WNK3: variants seen among roughly 807,000 people sequenced by gnomAD.
WNK3 encodes serine/threonine-protein kinase WNK3.
A neutral mutation model predicts 116.7 loss-of-function variants in WNK3; 18 were observed. The ratio of observed to expected loss-of-function variants is 0.15; its 90% CI spans 0.11 to 0.23. WNK3 has a LOEUF of 0.23. WNK3 is among the 10% of genes least tolerant of loss of function. The pLI is 1.00. For synonymous variants in WNK3, 404 were observed against 469.4 expected (o/e 0.86, Z 1.80); for missense variants, 993 against 1,323.8 (o/e 0.75, Z 3.88).
At chrX:54,349,339 AAAAC>A (rs371205980) in intron 1 of WNK3, among the ~76,000 whole-genome samples, 16 of 112,049 alleles carry the variant, frequency 1.4e-4, no homozygotes, top group South Asian at 3.7e-4. Flanking sequence ...CTCCATCTCA[AAAAC>A]AAACAAACAA....
In WNK3 at chrX:54,326,333, G is replaced by A. The variant is rs782231383; in HGVS notation, c.537+6804C>T. On this transcript the variant is annotated intron_variant, in intron 2 of 23. Coordinates refer to ENST00000354646, the Ensembl canonical transcript of WNK3. ...TCTCAATCTCCTGACCTCGTGATCC[G>A]CCTGCCTCGGCCTTCCAAAGTGCTG... 2.8e-3 allele frequency among the ~76,000 whole-genome samples: 306 copies of A among 111,136 alleles called. 1 individual carries two copies. The highest frequency in any genetic ancestry group is 9.2e-3 in the African/African-American group (282 of 30,697).
rs1010162529 is a variant in WNK3 at position 54,222,407 on chromosome X, T to A, written c.4870+6307A>T. On this transcript the variant is annotated intron_variant, in intron 22 of 23. Transcript: ENST00000354646. The stretch of plus-strand genomic sequence containing the variant: ...ATTTAAAAAAAAATTTTTTTTTTTT[T>A]AATTAGCTGAGCATGGTAGCATGCG... Among the ~76,000 whole-genome samples, 42 of 107,264 alleles carry A rather than the reference T, an allele frequency of 3.9e-4. 1 individual carries two copies. The highest frequency in any genetic ancestry group is 6.2e-4 in the Non-Finnish European group (32 of 51,916). 93.1% of individuals were successfully genotyped at this position (107,264 alleles called of 115,157 possible).
intron 22 of WNK3, among the ~76,000 whole-genome samples, chrX:54,216,243 C>A (rs1337751206): frequency 1.9e-5 from 2 of 107,380 alleles, no homozygotes; most frequent in Non-Finnish European, 3.9e-5. Flanking sequence ...TATGACCCTG[C>A]CAAATCCCCC....
intron 17 of WNK3, among the ~76,000 whole-genome samples, chrX:54,245,142 A>ATG (rs1212022699): frequency 7.8e-5 from 7 of 89,461 alleles, no homozygotes; most frequent in African/African-American, 3.5e-4. Flanking sequence ...GTACATATAT[A>ATG]TGCGTGTGTG....
intron 22 of WNK3, among the ~76,000 whole-genome samples, chrX:54,227,365 T>C (rs782776647): frequency 2.7e-5 from 3 of 112,153 alleles, no homozygotes; most frequent in Non-Finnish European, 5.6e-5. Context: ...TATTTATCAG[T>C]CATTCATATA....
chrX:54,307,151 C>T (rs1045677323), intron 5 of WNK3, among the ~76,000 whole-genome samples: 7 of 104,983 alleles, frequency 6.7e-5, no homozygotes, highest in Admixed American at 1.1e-4. Context: ...TGCTTGAACC[C>T]GGGAGGTGGA....
intron 2 of WNK3, among the ~76,000 whole-genome samples, chrX:54,331,289 A>C (rs1378099297): frequency 9.4e-6 from 1 of 106,074 alleles, no homozygotes; most frequent in Admixed American, 1.0e-4. Flanking sequence ...AAATAAATAA[A>C]TAAATATACA....
intron 5 of WNK3, among the ~76,000 whole-genome samples, chrX:54,307,546 G>C (rs2068840024): frequency 9.0e-6 from 1 of 111,602 alleles, no homozygotes; most frequent in African/African-American, 3.3e-5. Context: ...CCCAAATACT[G>C]TATCTATTGA....
At chrX:54,249,930 A>G in intron 16 of WNK3, 64 bp downstream of exon 16, 1 of 1,104,894 alleles carries the variant, frequency 9.1e-7, no homozygotes, top group Non-Finnish European at 1.2e-6. Flanking sequence ...AGTTAAAGAT[A>G]TCATATGTAT....
At chrX:54,347,355 ATG>A (rs2069446115) in intron 1 of WNK3, among the ~76,000 whole-genome samples, 3 of 111,537 alleles carry the variant, frequency 2.7e-5, no homozygotes, top group Non-Finnish European at 5.7e-5. Context: ...GCGTGGTGGC[ATG>A]TGCCTATGAT....
chrX:54,251,645 C>T (rs376341338), exon 14 of WNK3: 7 of 1,211,159 alleles, frequency 5.8e-6, no homozygotes, highest in Non-Finnish European at 7.8e-6. Context: ...AATTCTTCTA[C>T]AAATTTTTCT....
chrX:54,203,953 T>G (rs1557142197), intron 22 of WNK3, among the ~76,000 whole-genome samples: 1 of 109,769 alleles, frequency 9.1e-6, no homozygotes, highest in Non-Finnish European at 1.9e-5. Context: ...TCTCAAAGAA[T>G]AATAATAATA....
At chrX:54,297,049 C>T (rs918781132) in intron 7 of WNK3, among the ~76,000 whole-genome samples, 54 of 110,814 alleles carry the variant, frequency 4.9e-4, no homozygotes, top group African/African-American at 1.7e-3. Context: ...TAGAACCTTA[C>T]CCTCTGACTT....
chrX:54,222,558 C>CA (rs1314437813), intron 22 of WNK3, among the ~76,000 whole-genome samples: 1 of 102,999 alleles, frequency 9.7e-6, no homozygotes, highest in Non-Finnish European at 2.0e-5. Context: ...GACCCTGTCT[C>CA]AAAAAAAAGA....
chrX:54,299,371 C>A (rs113461273), intron 6 of WNK3, among the ~76,000 whole-genome samples: 1,355 of 108,364 alleles, frequency 0.013, 20 homozygotes, highest in African/African-American at 0.044. Flanking sequence ...TCATTCCATA[C>A]AAAGTTGATT....
chrX:54,355,586 G>A (rs1433564843), intron 1 of WNK3, among the ~76,000 whole-genome samples: 1 of 109,834 alleles, frequency 9.1e-6, no homozygotes, highest in African/African-American at 3.3e-5. Flanking sequence ...TTCTAGGGGA[G>A]GGGGAGAGAG....
In WNK3 at chrX:54,337,788, C is replaced by T. The variant is rs1236166925; in HGVS notation, c.-119-3996G>A. Among the ~76,000 whole-genome samples the T allele has an allele frequency of 5.5e-5, 6 of 109,787 alleles. No homozygotes were observed. The South Asian group carries it at 1.6e-3, about 29-fold the overall frequency. On this transcript the variant is annotated intron_variant, in intron 1 of 23. Transcript: ENST00000354646. ...AATAAAATAAAATAAAATCTTTGGCCAGACACAGTAGCTCATGCTTATAAT... is the reference window on the plus strand; with the variant it reads ...AATAAAATAAAATAAAATCTTTGGCTAGACACAGTAGCTCATGCTTATAAT...
At chrX:54,299,355 A>T (rs1339644597) in intron 6 of WNK3, among the ~76,000 whole-genome samples, 1 of 111,245 alleles carries the variant, frequency 9.0e-6, no homozygotes, top group Non-Finnish European at 1.9e-5. Flanking sequence ...TAAATAGAAT[A>T]AGCCATCATT....
At chrX:54,309,555 C>T (rs987552590) in intron 3 of WNK3, among the ~76,000 whole-genome samples, 1 of 110,989 alleles carries the variant, frequency 9.0e-6, no homozygotes, top group African/African-American at 3.3e-5. Flanking sequence ...TTTTTTAAGA[C>T]GAAGTCTCAC....
Sources: allele counts gnomAD v4.1 joint callset (sites outside exome capture counted in the v4.1 genomes callset), GRCh38; gene constraint gnomAD v4.1.1; transcripts MANE v1.5; gene names NCBI Gene and HGNC (gene_info 2026-07-23, HGNC 2026-07-21).